The following SORCS2 variants were observed in gnomAD, a reference collection of about 807,000 sequenced individuals.
SORCS2 encodes sortilin related VPS10 domain containing receptor 2.
In SORCS2, 100 loss-of-function variants were observed where a neutral mutation model predicts 141.6. The ratio of observed to expected loss-of-function variants is 0.71; its 90% CI spans 0.60 to 0.83. The LOEUF (loss-of-function observed/expected upper bound fraction) is 0.83. SORCS2 is among the 40% of genes least tolerant of loss of function. The pLI, the probability that SORCS2 is intolerant of heterozygous loss-of-function variation, is 0.00. For synonymous variants in SORCS2, 789 were observed against 676.9 expected (o/e 1.17, Z -2.57); for missense variants, 1,646 against 1,560.2 (o/e 1.05, Z -0.93).
chr4:7,412,067 A>C lies in SORCS2; in HGVS notation c.548+15712A>C, dbSNP rs573292299. 2.6e-5 allele frequency among the ~76,000 whole-genome samples: 4 copies of C among 152,352 alleles called. No homozygotes were observed. In the East Asian group the frequency reaches 7.7e-4, roughly 29 times the overall value. ...TCTGTAATCCTAGGCTGTGTGGCAG[A>C]AATGCAGCTGCTGGCCCAGGAGGTG... On this transcript the variant is annotated intron_variant, in intron 2 of 26. Transcript: ENST00000507866.
intron 9 of SORCS2, among the ~76,000 whole-genome samples, chr4:7,682,307 AGAGGCAAT>A (rs1723574106): frequency 6.6e-6 from 1 of 152,142 alleles, no homozygotes; most frequent in African/African-American, 2.4e-5. Flanking sequence ...AGGCAAGCCC[AGAGGCAAT>A]TCTATTGGTC....
chr4:7,734,456 T>G, intron 25 of SORCS2, 82 bp downstream of exon 25: 1 of 981,244 alleles, frequency 1.0e-6, no homozygotes, highest in Non-Finnish European at 1.5e-6. Context: ...CAGGCAGATC[T>G]AGAAAGGGCC....
At chr4:7,443,428 C>A (rs868539283) in intron 2 of SORCS2, among the ~76,000 whole-genome samples, 1 of 152,124 alleles carries the variant, frequency 6.6e-6, no homozygotes, top group Non-Finnish European at 1.5e-5. Flanking sequence ...CGCACAGCCG[C>A]GAATGGAGCC....
intron 3 of SORCS2, among the ~76,000 whole-genome samples, chr4:7,533,396 C>T (rs1711830253): frequency 6.6e-6 from 1 of 152,156 alleles, no homozygotes; most frequent in African/African-American, 2.4e-5. Flanking sequence ...AGATGAGGGC[C>T]CACACTGACC....
At chr4:7,329,222 C>T (rs1577405511) in intron 1 of SORCS2, among the ~76,000 whole-genome samples, 1 of 152,232 alleles carries the variant, frequency 6.6e-6, no homozygotes, top group South Asian at 2.1e-4. Flanking sequence ...CCCTGGCTTA[C>T]AGGCGGGCCC....
chr4:7,531,073 A>T (rs141295981), intron 2 of SORCS2, among the ~76,000 whole-genome samples: 11 of 152,226 alleles, frequency 7.2e-5, no homozygotes, highest in African/African-American at 2.2e-4. Flanking sequence ...GGCCACAGGA[A>T]TGCCTCGGCA....
Position 7,362,694 on chromosome 4 carries a change from TCCACCATCACTA to T in SORCS2, c.481-33584_481-33573del, listed in dbSNP as rs774199498. 3.5e-3 allele frequency among the ~76,000 whole-genome samples: 524 copies of T among 151,574 alleles called. 2 individuals carry two copies. The highest frequency in any genetic ancestry group is 0.024 in the Middle Eastern group (7 of 290). ...TGCTACCATGACTGCCATCACCATC[TCCACCATCACTA>T]CCACCATCATTACCACCAGCACTAT... On this transcript the variant is annotated intron_variant, in intron 1 of 26. Transcript: ENST00000507866.
At position 7,206,045 on chromosome 4, in the gene SORCS2, CAAAACA is replaced by C. The variant is rs537967545; in HGVS notation, c.480+12942_480+12947del. On this transcript the variant is annotated intron_variant, in intron 1 of 26. Coordinates refer to ENST00000507866, the MANE Select transcript of SORCS2 (RefSeq NM_020777.3). Reference sequence around the variant, plus strand: ...TGGGTGACAGAATGAGACTCCATCTCAAAACAAAAACAAAAACAAAAACAAAAAACA... The same window carrying C: ...TGGGTGACAGAATGAGACTCCATCTCAAAACAAAAACAAAAACAAAAAACA... Among the ~76,000 whole-genome samples, 140 of 151,940 alleles carry C rather than the reference CAAAACA, an allele frequency of 9.2e-4. 1 individual carries two copies. Among genetic ancestry groups the C allele is most frequent in the Non-Finnish European group, 9.0e-4 (61 of 67,946 alleles).
At chr4:7,231,563 A>G (rs1001652754) in intron 1 of SORCS2, among the ~76,000 whole-genome samples, 2 of 152,072 alleles carry the variant, frequency 1.3e-5, no homozygotes, top group Admixed American at 6.5e-5. Flanking sequence ...CCATCCACTC[A>G]TTTGTTCATT....
intron 2 of SORCS2, among the ~76,000 whole-genome samples, chr4:7,436,543 T>A (rs1261618782): frequency 1.3e-5 from 2 of 152,218 alleles, no homozygotes; most frequent in Admixed American, 1.3e-4. Context: ...GTCCTCCTCA[T>A]CCTGACATCC....
At chr4:7,536,142 G>A (rs917252107) in intron 3 of SORCS2, among the ~76,000 whole-genome samples, 3 of 152,220 alleles carry the variant, frequency 2.0e-5, no homozygotes, top group African/African-American at 4.8e-5. Context: ...GAGGCCGAGG[G>A]CATCAGAGGG....
intron 2 of SORCS2, among the ~76,000 whole-genome samples, chr4:7,469,273 GTGA>G (rs112815163): frequency 3.2e-4 from 48 of 151,742 alleles, no homozygotes; most frequent in African/African-American, 9.7e-4. Flanking sequence ...GGTGGTGTTG[GTGA>G]TGATGATGAT....
Position 7,531,561 on chromosome 4 carries a change from C to G in SORCS2, c.580C>G (p.Leu194Val). The change falls in exon 3 of 27, where the codon CTC becomes GTC. Residue 194 changes from leucine (L) to valine (V), a missense_variant. Physicochemically the swap from Leu to Val is conservative, Grantham distance 32. Transcript: ENST00000507866. ...SSDFGTSYTK[L>V]TLQPGVTTVI... ...AGATTTCGGGACGTCCTACACCAAG[C>G]TCACCCTCCAGCCTGGTGTCACCAC... 6.2e-7 allele frequency: 1 copy of G among 1,613,938 alleles called. No individual in the cohort carries two copies. Among genetic ancestry groups the G allele is most frequent in the Non-Finnish European group, 8.5e-7 (1 of 1,179,874 alleles).
chr4:7,536,171 G>A (rs1712111656), intron 3 of SORCS2, among the ~76,000 whole-genome samples: 1 of 152,222 alleles, frequency 6.6e-6, no homozygotes, highest in African/African-American at 2.4e-5. Flanking sequence ...CTAGGCAGCA[G>A]GCTCCACTGT....
At chr4:7,331,463 G>T (rs1330705193) in intron 1 of SORCS2, among the ~76,000 whole-genome samples, 1 of 152,174 alleles carries the variant, frequency 6.6e-6, no homozygotes, top group Non-Finnish European at 1.5e-5. Flanking sequence ...ACGCGGGAAG[G>T]AGGTACGGAC....
Position 7,725,240 on chromosome 4 carries a change from A to C in SORCS2, c.2698A>C (p.Asn900His). The stretch of plus-strand genomic sequence containing the variant: ...CCTCACAGCTGTGCTGCTTCCCTTG[A>C]ACCCTAACCTCACCGTCTTCTACTG... ...VNLTAVLLPL[N>H]PNLTVFYWWI... is the part of the protein sequence containing the mutation. The change falls in exon 20 of 27, where the codon AAC (asparagine) becomes CAC (histidine). Residue 900 changes from asparagine to histidine, a missense_variant. Coordinates refer to ENST00000507866, the MANE Select transcript of SORCS2 (RefSeq NM_020777.3). 1 of 1,613,530 alleles carries C rather than the reference A, an allele frequency of 6.2e-7. No individual in the cohort carries two copies. Among genetic ancestry groups the C allele is most frequent in the Non-Finnish European group, 8.5e-7 (1 of 1,179,644 alleles).
chr4:7,635,721 T>C (rs1258978222), intron 3 of SORCS2, among the ~76,000 whole-genome samples: 2 of 152,206 alleles, frequency 1.3e-5, no homozygotes, highest in Non-Finnish European at 2.9e-5. Context: ...CCTTGTTTTT[T>C]TCCTACGGAT....
At chr4:7,234,873 G>A (rs1024119660) in intron 1 of SORCS2, among the ~76,000 whole-genome samples, 2 of 152,266 alleles carry the variant, frequency 1.3e-5, no homozygotes, top group Non-Finnish European at 2.9e-5. Flanking sequence ...CAGTTCAGGG[G>A]ACAGACTCAG....
intron 20 of SORCS2, among the ~76,000 whole-genome samples, chr4:7,726,418 C>A (rs983057784): frequency 6.6e-6 from 1 of 152,056 alleles, no homozygotes; most frequent in Non-Finnish European, 1.5e-5. Flanking sequence ...ACTAAAAATA[C>A]AAAAATTAGC....
Sources: gnomAD v4.1 joint callset for allele counts (sites outside exome capture counted in the v4.1 genomes callset) on GRCh38, gnomAD v4.1.1 for gene constraint, MANE v1.5 for transcripts, NCBI Gene and HGNC (gene_info 2026-07-23, HGNC 2026-07-21) for gene names.